Variants in MACROD2 observed in about 807,000 individuals in gnomAD.
MACROD2 encodes the protein ADP-ribose glycohydrolase MACROD2.
Under a neutral mutation model 70.4 loss-of-function variants are expected in MACROD2, and 36 were observed. The observed-to-expected ratio is 0.51, with a 90% CI of 0.39 to 0.68. MACROD2 has a LOEUF of 0.68. MACROD2 is among the 30% of genes least tolerant of loss of function. MACROD2 has a pLI of 0.00. For missense variants in MACROD2, 496 were observed against 538.4 expected, an observed-to-expected ratio of 0.92 and a Z score of 0.78; for synonymous variants, 172 against 178.8, an observed-to-expected ratio of 0.96 and a Z score of 0.30.
At chr20:15,922,688 G>A (rs1403722134) in intron 10 of MACROD2, among the ~76,000 whole-genome samples, 1 of 152,192 alleles carries the variant, frequency 6.6e-6, no homozygotes, top group Non-Finnish European at 1.5e-5. Context: ...AGGTGCTTAA[G>A]AGCACCTGCT....
chr20:14,311,795 G>A (rs2082569739), intron 3 of MACROD2, among the ~76,000 whole-genome samples: 1 of 152,152 alleles, frequency 6.6e-6, no homozygotes. Context: ...TGGGATTACA[G>A]GCGTGAGCCA....
intron 5 of MACROD2, among the ~76,000 whole-genome samples, chr20:14,947,052 G>A (rs1337767939): frequency 6.6e-6 from 1 of 152,036 alleles, no homozygotes; most frequent in African/African-American, 2.4e-5. Flanking sequence ...CCTGGCTGTC[G>A]GATCCTTGGC....
intron 5 of MACROD2, among the ~76,000 whole-genome samples, chr20:14,865,368 G>T (rs2180475): frequency 2.5e-4 from 38 of 151,716 alleles, no homozygotes; most frequent in African/African-American, 9.2e-4. Context: ...GTAATCCCTA[G>T]GTTGACTCAC....
intron 3 of MACROD2, among the ~76,000 whole-genome samples, chr20:14,446,608 T>G (rs1303285838): frequency 6.6e-6 from 1 of 152,096 alleles, no homozygotes; most frequent in African/African-American, 2.4e-5. Context: ...TTAACCAGAA[T>G]GACTCAGGGC....
intron 12 of MACROD2, among the ~76,000 whole-genome samples, chr20:15,964,814 C>T (rs2066115629): frequency 6.6e-6 from 1 of 152,132 alleles, no homozygotes; most frequent in South Asian, 2.1e-4. Context: ...TTCGTGGAAA[C>T]CATCTTCCAT....
intron 5 of MACROD2, among the ~76,000 whole-genome samples, chr20:14,819,241 G>A (rs2122201530): frequency 6.6e-6 from 1 of 151,872 alleles, no homozygotes; most frequent in Non-Finnish European, 1.5e-5. Context: ...ACCCCAGCCT[G>A]GGTGACAGAG....
chr20:15,237,804 T>TA (rs1410202353), intron 6 of MACROD2, among the ~76,000 whole-genome samples: 1 of 152,058 alleles, frequency 6.6e-6, no homozygotes, highest in African/African-American at 2.4e-5. Context: ...TTTTTTTTTT[T>TA]ATCTTTCCCC....
intron 5 of MACROD2, among the ~76,000 whole-genome samples, chr20:15,076,044 T>G (rs1306636181): frequency 1.3e-5 from 2 of 152,344 alleles, no homozygotes; most frequent in East Asian, 1.9e-4. Context: ...AGTTATAACC[T>G]TATAATCAAG....
At chr20:14,720,564 T>TG (rs1382381136) in intron 5 of MACROD2, among the ~76,000 whole-genome samples, 1 of 118,022 alleles carries the variant, frequency 8.5e-6, no homozygotes, top group African/African-American at 3.7e-5. Context: ...TTTTTTTTTT[T>TG]TTTTTTGTGA....
At chr20:15,224,150 A>C (rs776365688) in intron 5 of MACROD2, among the ~76,000 whole-genome samples, 27 of 152,172 alleles carry the variant, frequency 1.8e-4, no homozygotes, top group Non-Finnish European at 3.7e-4. Flanking sequence ...GAGAGACCCT[A>C]AGCCAAACCC....
intron 8 of MACROD2, among the ~76,000 whole-genome samples, chr20:15,768,863 A>T (rs779892717): frequency 9.2e-5 from 14 of 152,256 alleles, no homozygotes; most frequent in South Asian, 6.2e-4. Flanking sequence ...ACTAAAACAA[A>T]AATACACACG....
chr20:14,781,116 C>T (rs2072294953), intron 5 of MACROD2, among the ~76,000 whole-genome samples: 1 of 152,156 alleles, frequency 6.6e-6, no homozygotes, highest in Non-Finnish European at 1.5e-5. Flanking sequence ...ACTATAATCA[C>T]TTTGCTGCTC....
At chr20:15,588,457 T>C (rs1017762862) in intron 8 of MACROD2, among the ~76,000 whole-genome samples, 5 of 152,208 alleles carry the variant, frequency 3.3e-5, no homozygotes, top group African/African-American at 1.2e-4. Flanking sequence ...TTTCTGCAAT[T>C]GGCTTGAATT....
chr20:14,084,192 T>C (rs1459193429), intron 2 of MACROD2, among the ~76,000 whole-genome samples: 3 of 152,028 alleles, frequency 2.0e-5, no homozygotes, highest in Non-Finnish European at 4.4e-5. Context: ...GGCCAAATTT[T>C]TTTTTTTGGG....
At chr20:15,558,765 T>A (rs1359237560) in intron 8 of MACROD2, among the ~76,000 whole-genome samples, 1 of 152,216 alleles carries the variant, frequency 6.6e-6, no homozygotes, top group Non-Finnish European at 1.5e-5. Flanking sequence ...ATTCTAACTC[T>A]GTGTCTGAAA....
chr20:14,462,076 A>G (rs975121022), intron 3 of MACROD2, among the ~76,000 whole-genome samples: 2 of 152,014 alleles, frequency 1.3e-5, no homozygotes, highest in African/African-American at 2.4e-5. Context: ...GTCAAATGCT[A>G]TTTCTAGTTC....
At chr20:15,355,758 G>A (rs911578088) in intron 6 of MACROD2, among the ~76,000 whole-genome samples, 3 of 152,066 alleles carry the variant, frequency 2.0e-5, no homozygotes, top group Non-Finnish European at 4.4e-5. Context: ...GAAATTCCAA[G>A]GGCTTCAAAA....
chr20:14,304,132 A>T (rs2082499813), intron 3 of MACROD2, among the ~76,000 whole-genome samples: 1 of 152,186 alleles, frequency 6.6e-6, no homozygotes, highest in Non-Finnish European at 1.5e-5. Context: ...TCATGTCATC[A>T]TACTTTTCAG....
chr20:14,464,017 A>C (rs1472173905), intron 3 of MACROD2, among the ~76,000 whole-genome samples: 1 of 151,982 alleles, frequency 6.6e-6, no homozygotes, highest in Non-Finnish European at 1.5e-5. Flanking sequence ...TGTCTCTGCC[A>C]GGCTTTGGTA....
Sources: gnomAD v4.1 joint callset for allele counts (sites outside exome capture counted in the v4.1 genomes callset) on GRCh38, gnomAD v4.1.1 for gene constraint, MANE v1.5 for transcripts, NCBI Gene and HGNC (gene_info 2026-07-23, HGNC 2026-07-21) for gene names.